USP33: variants seen among roughly 807,000 people sequenced by gnomAD.
USP33 encodes the protein ubiquitin carboxyl-terminal hydrolase 33.
Under a neutral mutation model 124.2 loss-of-function variants are expected in USP33, and 46 were observed. The observed-to-expected ratio is 0.37, with a 90% CI of 0.29 to 0.47. USP33 has a LOEUF of 0.47. Ranked by LOEUF, USP33 falls within the 20% of genes least tolerant of loss-of-function variation. The pLI is 0.99. For missense variants in USP33, 851 were observed against 1,070.6 expected (o/e 0.79, Z 2.86); for synonymous variants, 350 against 352.3 (o/e 0.99, Z 0.07).
Position 77,697,225 on chromosome 1 carries a change from C to A in USP33, c.*92G>T. ...GGATAAATGATGAAAAAAAATAAAG[C>A]AAATAAACACGCTTTTAGGAATGTT... On this transcript the variant is annotated 3_prime_UTR_variant, in exon 24 of 24. Coordinates refer to ENST00000370794, the MANE Select transcript of USP33 (RefSeq NM_201624.3). The A allele has an allele frequency of 4.9e-6, 6 of 1,212,454 alleles. No individual in the cohort carries two copies. The highest frequency in any genetic ancestry group is 5.6e-6 in the Non-Finnish European group (5 of 895,998). The allele number at this position is 1,212,454 out of a possible 1,614,324, so 75.1% of individuals were successfully genotyped here. A position where few individuals can be genotyped will look rare whatever the true frequency, so the allele number is the denominator to read the frequency against.
In USP33 at chr1:77,713,288, A is replaced by C; in HGVS notation, c.2216-7T>G. ...GCTTTTCTTGGAGGAACACCTAAAA[A>C]AATATATAAACATATCTGTTTCATG... On this transcript the variant is annotated splice_region_variant and splice_polypyrimidine_tract_variant and intron_variant, in intron 19 of 23. Coordinates refer to ENST00000370794, the MANE Select transcript of USP33 (RefSeq NM_201624.3). 1 of 1,568,512 alleles carries C rather than the reference A, an allele frequency of 6.4e-7. No individual in the cohort carries two copies. Among genetic ancestry groups the C allele is most frequent in the Non-Finnish European group, 8.6e-7 (1 of 1,165,082 alleles).
In USP33 at chr1:77,708,578, A is replaced by C. The variant is rs745445093; in HGVS notation, c.2406+3169T>G. 2.6e-4 allele frequency among the ~76,000 whole-genome samples: 39 copies of C among 152,226 alleles called. 1 individual carries two copies. Among genetic ancestry groups the C allele is most frequent in the African/African-American group, 2.4e-4 (10 of 41,452 alleles). ...GAAATCGTTTCCAAGGGCTTTATGC[A>C]GTTTTGAATTTTTTAAAACTCTGAA... is the stretch of plus-strand genomic sequence containing the variant. On this transcript the variant is annotated intron_variant, in intron 21 of 23. Coordinates refer to ENST00000370794, the MANE Select transcript of USP33 (RefSeq NM_201624.3).
At chr1:77,710,943 C>G (rs1461283915) in intron 21 of USP33, among the ~76,000 whole-genome samples, 1 of 152,060 alleles carries the variant, frequency 6.6e-6, no homozygotes, top group Middle Eastern at 3.4e-3. Flanking sequence ...CCCATAAAAC[C>G]TGGTTGTTCA....
chr1:77,708,793 G>C (rs1191890823), intron 21 of USP33, among the ~76,000 whole-genome samples: 1 of 149,926 alleles, frequency 6.7e-6, no homozygotes, highest in Non-Finnish European at 1.5e-5. Flanking sequence ...GTACCAAAAA[G>C]TGGTGCCATG....
intron 21 of USP33, among the ~76,000 whole-genome samples, chr1:77,707,594 C>A (rs77526141): frequency 0.049 from 7,408 of 152,178 alleles, 243 homozygotes; most frequent in African/African-American, 0.099. Flanking sequence ...ACTATAGGCA[C>A]CATTTAGTAT....
chr1:77,731,110 G>A lies in USP33; in HGVS notation c.525-379C>T, dbSNP rs150849111. 2.5e-4 allele frequency among the ~76,000 whole-genome samples: 38 copies of A among 152,174 alleles called. 1 individual carries two copies. The highest frequency in any genetic ancestry group is 7.7e-4 in the African/African-American group (32 of 41,520). On this transcript the variant is annotated intron_variant, in intron 7 of 23. Transcript: ENST00000370794. ...TCTTTTTGGCCTCAGACATGTAAAC[G>A]TAAGGATTCCTCGGGACTTGATCCT...
At chr1:77,715,233 G>A (rs572582281) in intron 18 of USP33, among the ~76,000 whole-genome samples, 2 of 151,040 alleles carry the variant, frequency 1.3e-5, no homozygotes, top group African/African-American at 4.9e-5. Context: ...TTCAGATGGC[G>A]TCTCACTCTG....
In USP33 at chr1:77,728,518, G is replaced by A. The variant is rs766676764; in HGVS notation, c.912C>T (p.Gly304=). ...SNSDRAENEN[G]SRCFSEDNNE... is the part of the protein sequence containing the mutation. Reference sequence around the variant, plus strand: ...TATTATCTTCAGAAAAGCATCTAGAGCCATTTTCATTTTCTGCTCTATCAC... The same window carrying A: ...TATTATCTTCAGAAAAGCATCTAGAACCATTTTCATTTTCTGCTCTATCAC... Residue 304 remains glycine (G), a synonymous_variant, in exon 10 of 24, where the codon GGC becomes GGT. Coordinates refer to ENST00000370794, the MANE Select transcript of USP33 (RefSeq NM_201624.3). 1.4e-4 allele frequency: 233 copies of A among 1,613,906 alleles called. No homozygotes were observed. Among genetic ancestry groups the A allele is most frequent in the Non-Finnish European group, 1.9e-4 (223 of 1,180,004 alleles).
intron 11 of USP33, among the ~76,000 whole-genome samples, chr1:77,724,359 C>G (rs1354649327): frequency 6.6e-6 from 1 of 152,118 alleles, no homozygotes; most frequent in African/African-American, 2.4e-5. Flanking sequence ...CCTTATCTTT[C>G]CATTCTCTGA....
intron 1 of USP33, among the ~76,000 whole-genome samples, chr1:77,754,499 C>A (rs1292904483): frequency 6.6e-6 from 1 of 152,184 alleles, no homozygotes; most frequent in Non-Finnish European, 1.5e-5. Flanking sequence ...AGACTTTTCA[C>A]AAAAGAAATC....
In USP33 at chr1:77,697,382, C is replaced by T; in HGVS notation, c.2671G>A (p.Val891Ile). 2.5e-6 allele frequency: 4 copies of T among 1,613,008 alleles called. No homozygotes were observed. The South Asian group carries it at 4.4e-5, about 18-fold the overall frequency. Residue 891 changes from valine to isoleucine, a missense_variant, in exon 24 of 24, where the codon GTT becomes ATT. Transcript: ENST00000370794. ...GPEVILRPPV[V>I]HVDPDILQAE... is the part of the protein sequence containing the mutation. ...TGAAGTATATCTGGATCAACATGAA[C>T]AACCGGAGGTCGCAGGATAACTTCA...
intron 21 of USP33, among the ~76,000 whole-genome samples, chr1:77,703,704 T>C (rs1378524731): frequency 6.6e-6 from 1 of 152,218 alleles, no homozygotes; most frequent in Non-Finnish European, 1.5e-5. Flanking sequence ...TTCTGTTCAA[T>C]GTTTCCCTTT....
intron 20 of USP33, among the ~76,000 whole-genome samples, chr1:77,712,637 G>C (rs544946032): frequency 6.6e-6 from 1 of 152,036 alleles, no homozygotes; most frequent in African/African-American, 2.4e-5. Context: ...AGGAGTTCAA[G>C]ATCAGCCCAG....
At chr1:77,750,179 A>G (rs987407747) in intron 1 of USP33, among the ~76,000 whole-genome samples, 3 of 152,048 alleles carry the variant, frequency 2.0e-5, no homozygotes, top group African/African-American at 7.2e-5. Flanking sequence ...TTAGCCGTGC[A>G]TAGTGGTGGG....
intron 5 of USP33, 29 bp downstream of exon 5, chr1:77,739,236 A>G (rs1461849040): frequency 1.3e-6 from 2 of 1,578,248 alleles, no homozygotes; most frequent in Non-Finnish European, 1.7e-6. Flanking sequence ...AATGTTTTAC[A>G]GCTTAACTAA....
intron 7 of USP33, among the ~76,000 whole-genome samples, chr1:77,733,817 A>G (rs1205523220): frequency 1.3e-5 from 2 of 152,180 alleles, no homozygotes; most frequent in African/African-American, 2.4e-5. Flanking sequence ...TCAATCTCCA[A>G]TCACTGCTCT....
chr1:77,741,295 CA>C, intron 3 of USP33, 80 bp downstream of exon 3: 1 of 1,389,632 alleles, frequency 7.2e-7, no homozygotes, highest in Admixed American at 2.5e-5. Context: ...CTTTAAGTAT[CA>C]AAAATTTTCT....
intron 1 of USP33, among the ~76,000 whole-genome samples, chr1:77,757,207 C>CT (rs750438613): frequency 1.3e-5 from 2 of 152,200 alleles, no homozygotes; most frequent in Non-Finnish European, 2.9e-5. Context: ...TCCTAAGGAA[C>CT]TTTTATAAAA....
intron 1 of USP33, among the ~76,000 whole-genome samples, chr1:77,742,185 T>C (rs1047057408): frequency 1.3e-5 from 2 of 152,158 alleles, no homozygotes; most frequent in African/African-American, 4.8e-5. Flanking sequence ...AAAGCTTCAT[T>C]TTTCTACTAA....
Sources: gnomAD v4.1 joint callset for allele counts (sites outside exome capture counted in the v4.1 genomes callset) on GRCh38, gnomAD v4.1.1 for gene constraint, MANE v1.5 for transcripts, NCBI Gene and HGNC (gene_info 2026-07-23, HGNC 2026-07-21) for gene names.